The following ASAP2 variants were observed in gnomAD, a reference collection of about 807,000 sequenced individuals.
ASAP2 encodes arf-GAP with SH3 domain, ANK repeat and PH domain-containing protein 2.
In ASAP2, 45 loss-of-function variants were observed where a neutral mutation model predicts 131.4. The ratio of observed to expected loss-of-function variants is 0.34; its 90% CI spans 0.27 to 0.44. ASAP2 has a LOEUF of 0.44. ASAP2 is among the 20% of genes least tolerant of loss of function. ASAP2 has a pLI of 1.00. For missense variants in ASAP2, 1,011 were observed against 1,297.0 expected, an observed-to-expected ratio of 0.78 and a Z score of 3.39; for synonymous variants, 510 against 503.0, an observed-to-expected ratio of 1.01 and a Z score of -0.19.
chr2:9,371,420 G>C (rs1673947475), intron 16 of ASAP2, among the ~76,000 whole-genome samples: 1 of 152,302 alleles, frequency 6.6e-6, no homozygotes, highest in Non-Finnish European at 1.5e-5. Flanking sequence ...TGGTGAACCA[G>C]TGACTATTTA....
chr2:9,379,079 G>A lies in ASAP2; in HGVS notation c.1948+20G>A, dbSNP rs201594484. On this transcript the variant is annotated intron_variant, in intron 19 of 27. Transcript: ENST00000281419. ...AGATAGGTGAGTGGGCCCGGGCCCC[G>A]GGGGTGGGCTCAGCTGCACCCTGGC... 2.2e-4 allele frequency: 326 copies of A among 1,487,640 alleles called. No homozygotes were observed. The highest frequency in any genetic ancestry group is 1.8e-3 in the Middle Eastern group (10 of 5,572). The allele number at this position is 1,487,640 out of a possible 1,614,324, so 92.2% of individuals were successfully genotyped here.
chr2:9,291,824 C>T (rs1215090182), intron 2 of ASAP2, among the ~76,000 whole-genome samples: 2 of 152,144 alleles, frequency 1.3e-5, no homozygotes, highest in African/African-American at 4.8e-5. Flanking sequence ...TGCCTTCGTT[C>T]TGTTATGCTG....
chr2:9,318,642 T>C (rs1669957993), intron 4 of ASAP2, 44 bp downstream of exon 4: 1 of 1,420,270 alleles, frequency 7.0e-7, no homozygotes, highest in South Asian at 1.3e-5. Flanking sequence ...TTTTACACCA[T>C]GTAGAGTCAC....
chr2:9,322,514 C>T (rs1670219317), intron 5 of ASAP2, among the ~76,000 whole-genome samples: 1 of 152,134 alleles, frequency 6.6e-6, no homozygotes, highest in Admixed American at 6.5e-5. Flanking sequence ...CCTTAGCAGC[C>T]ACGATTACCC....
chr2:9,269,521 A>T (rs1666190923), intron 1 of ASAP2, among the ~76,000 whole-genome samples: 1 of 152,124 alleles, frequency 6.6e-6, no homozygotes, highest in Non-Finnish European at 1.5e-5. Context: ...GAGGTAGAGG[A>T]GCCCCCACAT....
At position 9,374,930 on chromosome 2, in the gene ASAP2, C is replaced by T; in HGVS notation, c.1732C>T (p.Leu578=). Residue 578 remains leucine (L), a synonymous_variant, in exon 17 of 28, where the codon CTG becomes TTG. Transcript: ENST00000281419. The part of the protein sequence containing the change: ...DGVDLTEKIP[L]ANGHEPDETA... The stretch of plus-strand genomic sequence containing the variant: ...TGTGGATCTTACGGAAAAAATCCCA[C>T]TGGCCAACGGACATGTAAGAGTGTG... 6.2e-7 allele frequency: 1 copy of T among 1,606,668 alleles called. No individual in the cohort carries two copies. Among genetic ancestry groups the T allele is most frequent in the Non-Finnish European group, 8.5e-7 (1 of 1,177,484 alleles).
rs570863351 is a variant in ASAP2, at chr2:9,253,718, T to A, written c.127-25599T>A. Among the ~76,000 whole-genome samples, 68 of 152,282 alleles carry A rather than the reference T, an allele frequency of 4.5e-4. 1 individual carries two copies. In the South Asian group the frequency reaches 0.01, roughly 23 times the overall value. On this transcript the variant is annotated intron_variant, in intron 1 of 27. Coordinates refer to ENST00000281419, the MANE Select transcript of ASAP2 (RefSeq NM_003887.3). ...TTGCTTGACCTAGTGCCCTGGAGAT[T>A]ACAATGTTACATGTATCTTTAGACC...
chr2:9,377,219 T>G (rs895179031), intron 18 of ASAP2, among the ~76,000 whole-genome samples: 3 of 152,160 alleles, frequency 2.0e-5, no homozygotes, highest in Non-Finnish European at 4.4e-5. Context: ...CAACTTCTAG[T>G]GTCTGGTACT....
At chr2:9,291,907 G>C (rs1667836436) in intron 2 of ASAP2, among the ~76,000 whole-genome samples, 2 of 152,038 alleles carry the variant, frequency 1.3e-5, no homozygotes, top group Non-Finnish European at 2.9e-5. Context: ...GCTGTCTTCA[G>C]CTCTTAGCTC....
intron 9 of ASAP2, among the ~76,000 whole-genome samples, chr2:9,337,848 A>G (rs1277080200): frequency 6.6e-6 from 1 of 152,138 alleles, no homozygotes; most frequent in African/African-American, 2.4e-5. Context: ...ACTCTTTGGT[A>G]TTTCCATTAT....
chr2:9,372,207 T>G (rs1674033729), intron 16 of ASAP2, among the ~76,000 whole-genome samples: 1 of 152,160 alleles, frequency 6.6e-6, no homozygotes, highest in Non-Finnish European at 1.5e-5. Context: ...TAACTGCCTG[T>G]CAGAAGAGGC....
intron 1 of ASAP2, among the ~76,000 whole-genome samples, chr2:9,218,860 G>T (rs1377427641): frequency 6.6e-6 from 1 of 152,094 alleles, no homozygotes. Context: ...CAAGAAGTTA[G>T]AGCTAAGAGT....
chr2:9,269,002 C>T (rs1666150467), intron 1 of ASAP2, among the ~76,000 whole-genome samples: 1 of 152,012 alleles, frequency 6.6e-6, no homozygotes, highest in South Asian at 2.1e-4. Flanking sequence ...GCAGGGGCCG[C>T]TGGTGCTGTG....
intron 20 of ASAP2, among the ~76,000 whole-genome samples, chr2:9,384,169 ATAAAT>A (rs757442409): frequency 6.6e-5 from 10 of 152,354 alleles, no homozygotes; most frequent in Admixed American, 1.3e-4. Flanking sequence ...TAATAAAAAA[ATAAAT>A]TAATTAAAAA....
chr2:9,396,786 G>C (rs1043372322), intron 24 of ASAP2, among the ~76,000 whole-genome samples: 15 of 152,176 alleles, frequency 9.9e-5, no homozygotes, highest in Non-Finnish European at 7.3e-5. Flanking sequence ...TGGATCACTT[G>C]AAGCCAAGAG....
intron 7 of ASAP2, among the ~76,000 whole-genome samples, chr2:9,330,955 A>C (rs189459567): frequency 3.9e-5 from 6 of 152,386 alleles, no homozygotes; most frequent in Admixed American, 3.9e-4. Context: ...TCAGTCAGGC[A>C]GCTTTGACTT....
At chr2:9,322,221 G>A (rs1253763007) in intron 5 of ASAP2, among the ~76,000 whole-genome samples, 1 of 152,156 alleles carries the variant, frequency 6.6e-6, no homozygotes. Flanking sequence ...CCTACACAGT[G>A]CAGGACACAC....
chr2:9,209,815 T>C (rs1434952576), intron 1 of ASAP2, among the ~76,000 whole-genome samples: 8 of 152,350 alleles, frequency 5.3e-5, no homozygotes, highest in African/African-American at 1.9e-4. Flanking sequence ...GTGATCCACC[T>C]GCCTCAGCCT....
chr2:9,262,330 A>G (rs990138413), intron 1 of ASAP2, among the ~76,000 whole-genome samples: 13 of 152,176 alleles, frequency 8.5e-5, no homozygotes, highest in African/African-American at 3.1e-4. Context: ...CGTCTTCTTA[A>G]CGGCCACTTT....
Sources: gnomAD v4.1 joint callset for allele counts (sites outside exome capture counted in the v4.1 genomes callset) on GRCh38, gnomAD v4.1.1 for gene constraint, MANE v1.5 for transcripts, NCBI Gene and HGNC (gene_info 2026-07-23, HGNC 2026-07-21) for gene names.